The following PIK3C2G variants were observed in gnomAD, a reference collection of about 807,000 sequenced individuals.
PIK3C2G encodes phosphatidylinositol-4-phosphate 3-kinase catalytic subunit type 2 gamma, also known as phosphatidylinositol 3-kinase C2 domain-containing subunit gamma.
In PIK3C2G, 168 loss-of-function variants were observed where a neutral mutation model predicts 181.1. The observed-to-expected ratio is 0.93, with a 90% CI of 0.82 to 1.05. PIK3C2G has a LOEUF of 1.05. Among genes scored for constraint, PIK3C2G ranks in the 50% least tolerant of loss-of-function variants. PIK3C2G has a pLI of 0.00. For synonymous variants in PIK3C2G, 573 were observed against 592.2 expected, an observed-to-expected ratio of 0.97 and a Z score of 0.47; for missense variants, 1,869 against 1,732.8, an observed-to-expected ratio of 1.08 and a Z score of -1.40.
chr12:18,706,248 A>T, the PIK3C2G span, among the ~76,000 whole-genome samples: 2 of 152,078 alleles, frequency 1.3e-5, no homozygotes, highest in African/African-American at 2.4e-5. Flanking sequence ...AAAAATAAAA[A>T]AAAAAAAAGA....
At chr12:18,322,413 A>G (rs1951155038) in intron 7 of PIK3C2G, among the ~76,000 whole-genome samples, 1 of 151,564 alleles carries the variant, frequency 6.6e-6, no homozygotes, top group African/African-American at 2.4e-5. Context: ...TTTAAAAATA[A>G]TAATAAAATA....
chr12:18,380,805 G>A (rs1942784758), intron 13 of PIK3C2G, among the ~76,000 whole-genome samples: 1 of 152,148 alleles, frequency 6.6e-6, no homozygotes, highest in Non-Finnish European at 1.5e-5. Context: ...AAAGCTAAAG[G>A]TCTAAAGAAA....
chr12:18,559,817 TATATAGAGAGAGAGAGAGAG>T (rs1328904364), intron 26 of PIK3C2G, among the ~76,000 whole-genome samples: 9 of 22,166 alleles, frequency 4.1e-4, no homozygotes, highest in Non-Finnish European at 6.9e-4. Flanking sequence ...TATATATATA[TATATAGAGAGAGAGAGAGAG>T]AGAGAGAGAG....
intron 28 of PIK3C2G, among the ~76,000 whole-genome samples, chr12:18,564,165 A>C (rs1429934960): frequency 6.6e-6 from 1 of 152,034 alleles, no homozygotes; most frequent in Non-Finnish European, 1.5e-5. Flanking sequence ...AAAATGTTAA[A>C]CATAAGCAAA....
intron 5 of PIK3C2G, among the ~76,000 whole-genome samples, chr12:18,296,546 AAG>A (rs1949951262): frequency 6.6e-6 from 1 of 152,166 alleles, no homozygotes; most frequent in South Asian, 2.1e-4. Flanking sequence ...CAAAGTAATA[AAG>A]ACATTTTTAC....
intron 5 of PIK3C2G, among the ~76,000 whole-genome samples, chr12:18,296,246 A>G (rs1401005731): frequency 6.6e-6 from 1 of 152,158 alleles, no homozygotes; most frequent in Admixed American, 6.6e-5. Flanking sequence ...CATATAATGC[A>G]TATAGAAATT....
chr12:18,470,715 A>G (rs1938373716), intron 18 of PIK3C2G, among the ~76,000 whole-genome samples: 1 of 152,090 alleles, frequency 6.6e-6, no homozygotes, highest in South Asian at 2.1e-4. Flanking sequence ...CACACGGTTC[A>G]TTCCTCAAAA....
intron 5 of PIK3C2G, among the ~76,000 whole-genome samples, chr12:18,299,056 T>G (rs1950067131): frequency 6.6e-6 from 1 of 151,954 alleles, no homozygotes; most frequent in Non-Finnish European, 1.5e-5. Context: ...CCATACAAAT[T>G]TTTGGATTCT....
intron 26 of PIK3C2G, among the ~76,000 whole-genome samples, 155 bp downstream of exon 26, chr12:18,546,587 CAATGTG>C (rs1592547839): frequency 6.6e-6 from 1 of 151,960 alleles, no homozygotes; most frequent in African/African-American, 2.4e-5. Flanking sequence ...AGAAAGGAAG[CAATGTG>C]AATGTCTAGC....
chr12:18,709,572 T>C, the PIK3C2G span, among the ~76,000 whole-genome samples: 1 of 152,054 alleles, frequency 6.6e-6, no homozygotes, highest in South Asian at 2.1e-4. Flanking sequence ...GGAATTTTGA[T>C]AAGAATTGCA....
intron 26 of PIK3C2G, among the ~76,000 whole-genome samples, chr12:18,546,649 C>G (rs901256221): frequency 6.6e-6 from 1 of 151,988 alleles, no homozygotes; most frequent in Non-Finnish European, 1.5e-5. Flanking sequence ...TGTTTGCTAA[C>G]CAGCCTCTTC....
intron 31 of PIK3C2G, among the ~76,000 whole-genome samples, chr12:18,622,609 T>A (rs562067181): frequency 6.6e-6 from 1 of 152,052 alleles, no homozygotes; most frequent in African/African-American, 2.4e-5. Context: ...CAATCTTGTT[T>A]TTAGTTTCTG....
In PIK3C2G at chr12:18,646,608, G is replaced by A. The variant is rs146258720; in HGVS notation, c.4309-1268G>A. ...GGCCACCCAGTGAACTCAGAGGGCTGCCCTCTCAAGTTGTCTCTTCTGCTT... is the reference window on the plus strand; with the variant it reads ...GGCCACCCAGTGAACTCAGAGGGCTACCCTCTCAAGTTGTCTCTTCTGCTT... On this transcript the variant is annotated intron_variant, in intron 32 of 32. Coordinates refer to ENST00000538779, the MANE Select transcript of PIK3C2G (RefSeq NM_001288772.2). Among the ~76,000 whole-genome samples, 28 of 152,224 alleles carry A rather than the reference G, an allele frequency of 1.8e-4. 1 individual carries two copies. The highest frequency in any genetic ancestry group is 6.7e-4 in the African/African-American group (28 of 41,552).
Position 18,362,862 on chromosome 12 carries a change from T to C in PIK3C2G, c.1724T>C (p.Phe575Ser). The change falls in exon 12 of 33, where the codon TTT becomes TCT. Residue 575 changes from phenylalanine (F) to serine (S), a missense_variant. By Grantham distance (155) the Phe-to-Ser change is radical (BLOSUM62 -2). Transcript: ENST00000538779. ...AATATTCCAGACAAGAAATTATTTT[T>C]TTTCTTGGTCAACTGGAATGAAACG... ...YRNIPDKKLFFFLVNWNETIN... is the reference protein window; with the variant it reads ...YRNIPDKKLFSFLVNWNETIN... 1 of 1,513,248 alleles carries C rather than the reference T, an allele frequency of 6.6e-7. No homozygotes were observed. The highest frequency in any genetic ancestry group is 2.1e-5 in the Admixed American group (1 of 48,030). 93.7% of individuals were successfully genotyped at this position (1,513,248 alleles called of 1,614,324 possible). A position where few individuals can be genotyped will look rare whatever the true frequency, so the allele number is the denominator to read the frequency against.
At position 18,545,124 on chromosome 12, in the gene PIK3C2G, C is replaced by T. The variant is rs568987323; in HGVS notation, c.3481-1199C>T. On this transcript the variant is annotated intron_variant, in intron 25 of 32. Transcript: ENST00000538779. Reference sequence around the variant, plus strand: ...AAAATCCTTAATGTTGCCAGAATGTCTTATCCTACTTGCCTTTCATCCCCA... The same window carrying T: ...AAAATCCTTAATGTTGCCAGAATGTTTTATCCTACTTGCCTTTCATCCCCA... Among the ~76,000 whole-genome samples the T allele has an allele frequency of 1.4e-4, 22 of 151,878 alleles. No individual in the cohort carries two copies. In the South Asian group the frequency reaches 2.7e-3, roughly 19 times the overall value.
chr12:18,669,960 G>C, the PIK3C2G span, among the ~76,000 whole-genome samples: 1 of 152,006 alleles, frequency 6.6e-6, no homozygotes, highest in Non-Finnish European at 1.5e-5. Flanking sequence ...GAGCCACCGC[G>C]CCCGGCCCTC....
chr12:18,277,272 A>G (rs1949022948), intron 1 of PIK3C2G, among the ~76,000 whole-genome samples: 2 of 152,114 alleles, frequency 1.3e-5, no homozygotes, highest in South Asian at 2.1e-4. Flanking sequence ...GTGTGTGTCT[A>G]TGTAATACAT....
chr12:18,362,185 C>T (rs182595024), intron 11 of PIK3C2G, among the ~76,000 whole-genome samples: 3 of 152,210 alleles, frequency 2.0e-5, no homozygotes, highest in Non-Finnish European at 4.4e-5. Context: ...TGGAGAGAGG[C>T]AATAGCAAGT....
chr12:18,630,722 T>TCA (rs59651842), intron 31 of PIK3C2G, among the ~76,000 whole-genome samples: 148,508 of 152,232 alleles, frequency 0.98, 72,566 homozygotes, highest in East Asian at 1. Flanking sequence ...TATATAAAAT[T>TCA]CAGTTGGTAT....
Sources: allele counts gnomAD v4.1 joint callset (sites outside exome capture counted in the v4.1 genomes callset), GRCh38; gene constraint gnomAD v4.1.1; transcripts MANE v1.5; gene names NCBI Gene and HGNC (gene_info 2026-07-23, HGNC 2026-07-21).